The following DNAH6 variants were observed in gnomAD, a reference collection of about 807,000 sequenced individuals.
The protein encoded by DNAH6 is dynein axonemal heavy chain 6.
In DNAH6, 340 loss-of-function variants were observed where a neutral mutation model predicts 491.4. The ratio of observed to expected loss-of-function variants is 0.69; its 90% CI spans 0.63 to 0.76. DNAH6 has a LOEUF of 0.76. DNAH6 is among the 30% of genes least tolerant of loss of function. DNAH6 has a pLI of 0.00. For missense variants in DNAH6, 4,443 were observed against 4,972.2 expected, an observed-to-expected ratio of 0.89 and a Z score of 3.20; for synonymous variants, 1,603 against 1,686.1, an observed-to-expected ratio of 0.95 and a Z score of 1.21.
chr2:84,790,316 T>C lies in DNAH6; in HGVS notation c.11239+3014T>C, dbSNP rs557662758. 5.3e-5 allele frequency among the ~76,000 whole-genome samples: 8 copies of C among 152,222 alleles called. 1 individual carries two copies. The South Asian group carries it at 1.7e-3, about 32-fold the overall frequency. On this transcript the variant is annotated intron_variant, in intron 68 of 76. Coordinates refer to ENST00000389394, the MANE Select transcript of DNAH6 (RefSeq NM_001370.2). ...AAATGTAAATCTCTTAGAAGAAAGC[T>C]TTGGAGTGAATTGTGATTTGGGGTT...
Position 84,688,238 on chromosome 2 carries a change from CA to C in DNAH6, c.7138-184del, listed in dbSNP as rs34421243. ...TGGGCAACAGAGAGAGACTCCATCT[CA>C]AAAAAAAAAAAAAAAAGTGAAATCA... On this transcript the variant is annotated intron_variant, in intron 44 of 76. Transcript: ENST00000389394. Among the ~76,000 whole-genome samples the C allele has an allele frequency of 4.4e-3, 421 of 95,792 alleles. 1 individual carries two copies. Among genetic ancestry groups the C allele is most frequent in the Middle Eastern group, 0.019 (3 of 162 alleles). 62.8% of individuals were successfully genotyped at this position (95,792 alleles called of 152,430 possible).
chr2:84,674,940 A>T lies in DNAH6; in HGVS notation c.6613-2065A>T, dbSNP rs578020546. Among the ~76,000 whole-genome samples the T allele has an allele frequency of 5.3e-5, 8 of 152,266 alleles. No individual in the cohort carries two copies. The East Asian group carries it at 1.5e-3, about 29-fold the overall frequency. ...TTGCTGCTCCCTGCACATGCCCCAC[A>T]GTCCCACTGAGGCATAAGGCTTGCT... On this transcript the variant is annotated intron_variant, in intron 40 of 76. Coordinates refer to ENST00000389394, the MANE Select transcript of DNAH6 (RefSeq NM_001370.2).
intron 33 of DNAH6, among the ~76,000 whole-genome samples, chr2:84,646,311 G>C (rs1336820537): frequency 6.6e-6 from 1 of 151,776 alleles, no homozygotes; most frequent in Non-Finnish European, 1.5e-5. Flanking sequence ...CTTCTCCTTG[G>C]GCCTCCCTCT....
chr2:84,726,738 C>T (rs796169117), intron 60 of DNAH6, among the ~76,000 whole-genome samples: 135 of 152,020 alleles, frequency 8.9e-4, no homozygotes, highest in African/African-American at 3.1e-3. Context: ...CAAACCTGCA[C>T]ATTGTGCACA....
In DNAH6 at chr2:84,676,905, ATG is replaced by A. The variant is rs1247749223; in HGVS notation, c.6613-98_6613-97del. 1.5e-5 allele frequency: 20 copies of A among 1,341,204 alleles called. No homozygotes were observed. In the Admixed American group the frequency reaches 4.6e-4, roughly 31 times the overall value. 83.1% of individuals were successfully genotyped at this position (1,341,204 alleles called of 1,614,324 possible). On this transcript the variant is annotated intron_variant, in intron 40 of 76. Transcript: ENST00000389394. Reference sequence around the variant, plus strand: ...AGTCATTTAACATGCACAAAAAAAAATGTAATGCAATGCTGGCATTTGGGAAG... The same window carrying A: ...AGTCATTTAACATGCACAAAAAAAAATAATGCAATGCTGGCATTTGGGAAG...
chr2:84,521,918 T>C (rs1290968086), intron 2 of DNAH6, among the ~76,000 whole-genome samples: 1 of 151,958 alleles, frequency 6.6e-6, no homozygotes, highest in Non-Finnish European at 1.5e-5. Context: ...ATGCCTCCAG[T>C]GTTCTTCTTT....
chr2:84,552,509 C>T (rs564499176), intron 9 of DNAH6, among the ~76,000 whole-genome samples: 1 of 152,198 alleles, frequency 6.6e-6, no homozygotes, highest in East Asian at 1.9e-4. Flanking sequence ...ATGCCCTTTG[C>T]CCATTTTTTT....
intron 47 of DNAH6, among the ~76,000 whole-genome samples, chr2:84,698,092 A>G (rs781775759): frequency 7.2e-5 from 11 of 152,192 alleles, no homozygotes; most frequent in Non-Finnish European, 1.3e-4. Flanking sequence ...CCTAGCAGCA[A>G]TGTTATGACA....
chr2:84,708,591 G>A (rs1696736392), intron 54 of DNAH6, among the ~76,000 whole-genome samples: 1 of 149,680 alleles, frequency 6.7e-6, no homozygotes, highest in Non-Finnish European at 1.5e-5. Context: ...AGGAAGGAAG[G>A]AAAGAAGGAA....
rs554874440 is a variant in DNAH6 at position 84,752,252 on chromosome 2, G to A, written c.10512+7003G>A. On this transcript the variant is annotated intron_variant, in intron 63 of 76. Transcript: ENST00000389394. ...AAGTCCTTATTGTTAATTCTGCCAT[G>A]TGCTGACTATTTATTTAAGCAGAAT... Among the ~76,000 whole-genome samples the A allele has an allele frequency of 2.0e-5, 3 of 152,322 alleles. No homozygotes were observed. In the East Asian group the frequency reaches 5.8e-4, roughly 29 times the overall value.
chr2:84,661,322 G>A (rs1691487056), intron 37 of DNAH6, among the ~76,000 whole-genome samples: 1 of 151,964 alleles, frequency 6.6e-6, no homozygotes, highest in African/African-American at 2.4e-5. Flanking sequence ...CACTATATTG[G>A]AGAGTCTAGC....
At chr2:84,630,201 A>G (rs1480279705) in intron 29 of DNAH6, among the ~76,000 whole-genome samples, 1 of 152,188 alleles carries the variant, frequency 6.6e-6, no homozygotes, top group Non-Finnish European at 1.5e-5. Context: ...TAACATTAGA[A>G]ATTACTATTT....
At chr2:84,813,504 G>T (rs549953566) in intron 74 of DNAH6, among the ~76,000 whole-genome samples, 23 of 152,306 alleles carry the variant, frequency 1.5e-4, no homozygotes, top group Non-Finnish European at 8.8e-5. Context: ...CTCTTGATGT[G>T]CCTCCATCAG....
At chr2:84,768,412 CA>C (rs1233130679) in intron 64 of DNAH6, among the ~76,000 whole-genome samples, 1 of 151,222 alleles carries the variant, frequency 6.6e-6, no homozygotes, top group African/African-American at 2.4e-5. Context: ...GATCAGCAGA[CA>C]TTAAAATGAG....
chr2:84,597,079 GT>G (rs1684665701), intron 18 of DNAH6, among the ~76,000 whole-genome samples: 2 of 152,082 alleles, frequency 1.3e-5, no homozygotes, highest in South Asian at 4.1e-4. Context: ...TCCCTTTGTA[GT>G]CAGCCTTTCC....
intron 10 of DNAH6, among the ~76,000 whole-genome samples, chr2:84,556,124 G>A (rs1679994549): frequency 6.6e-6 from 1 of 152,200 alleles, no homozygotes; most frequent in Non-Finnish European, 1.5e-5. Flanking sequence ...CCAGGAGAAA[G>A]GGGGTTGTGA....
chr2:84,525,293 CT>C (rs1385870927), intron 2 of DNAH6, among the ~76,000 whole-genome samples: 2 of 151,998 alleles, frequency 1.3e-5, no homozygotes, highest in Non-Finnish European at 1.5e-5. Context: ...TGATTTCATA[CT>C]TCTGAGCCTT....
intron 37 of DNAH6, among the ~76,000 whole-genome samples, chr2:84,668,045 A>G (rs1692336177): frequency 6.6e-6 from 1 of 152,076 alleles, no homozygotes; most frequent in African/African-American, 2.4e-5. Context: ...AACAATGAGA[A>G]CACTTGGACA....
chr2:84,627,512 C>CT (rs1687992188), intron 29 of DNAH6, among the ~76,000 whole-genome samples: 1 of 152,166 alleles, frequency 6.6e-6, no homozygotes, highest in Non-Finnish European at 1.5e-5. Flanking sequence ...AATGATAAAA[C>CT]TGATCATGGC....
Sources: gnomAD v4.1 joint callset for allele counts (sites outside exome capture counted in the v4.1 genomes callset) on GRCh38, gnomAD v4.1.1 for gene constraint, MANE v1.5 for transcripts, NCBI Gene and HGNC (gene_info 2026-07-23, HGNC 2026-07-21) for gene names.